The following LRP1B variants were observed in gnomAD, a reference collection of about 807,000 sequenced individuals.
LRP1B encodes LDL receptor related protein 1B, also known as low-density lipoprotein receptor-related protein 1B.
Under a neutral mutation model 556.6 loss-of-function variants are expected in LRP1B, and 217 were observed. The observed-to-expected ratio is 0.39, with a 90% CI of 0.35 to 0.44. The LOEUF is 0.44. Ranked by LOEUF, LRP1B falls within the 20% of genes least tolerant of loss-of-function variation. The pLI is 1.00. For synonymous variants in LRP1B, 2,047 were observed against 1,865.8 expected, an observed-to-expected ratio of 1.10 and a Z score of -2.50; for missense variants, 5,053 against 5,620.8, an observed-to-expected ratio of 0.90 and a Z score of 3.23.
At chr2:141,905,722 A>T (rs1699735001) in intron 1 of LRP1B, among the ~76,000 whole-genome samples, 2 of 150,932 alleles carry the variant, frequency 1.3e-5, no homozygotes, top group Non-Finnish European at 3.0e-5. Context: ...ACCTTCATTC[A>T]TATAACCATC....
chr2:140,379,343 A>G (rs567831833), intron 67 of LRP1B, among the ~76,000 whole-genome samples: 1 of 152,178 alleles, frequency 6.6e-6, no homozygotes, highest in African/African-American at 2.4e-5. Context: ...TGGTTTCTAC[A>G]TATAGAGTAA....
At chr2:140,826,092 T>C (rs1461103208) in intron 31 of LRP1B, among the ~76,000 whole-genome samples, 1 of 152,188 alleles carries the variant, frequency 6.6e-6, no homozygotes, top group African/African-American at 2.4e-5. Flanking sequence ...GTCTTCAGCT[T>C]CAGCTCCTGC....
At chr2:140,509,109 C>G (rs1689546155) in intron 52 of LRP1B, among the ~76,000 whole-genome samples, 1 of 148,524 alleles carries the variant, frequency 6.7e-6, no homozygotes, top group South Asian at 2.2e-4. Context: ...CACACACACA[C>G]AGACACTTAT....
At chr2:140,661,477 T>C (rs1427866447) in intron 41 of LRP1B, among the ~76,000 whole-genome samples, 1 of 145,496 alleles carries the variant, frequency 6.9e-6, no homozygotes, top group African/African-American at 2.6e-5. Context: ...CTGGGCAAAA[T>C]GATGAGACCC....
At chr2:140,884,081 A>G (rs2105188032) in intron 24 of LRP1B, 60 bp from the exon 25 acceptor site, 1 of 1,451,512 alleles carries the variant, frequency 6.9e-7, no homozygotes, top group South Asian at 1.2e-5. Flanking sequence ...AGCACAAAGG[A>G]AAAGGCCTTT....
intron 66 of LRP1B, among the ~76,000 whole-genome samples, chr2:140,394,719 A>G (rs1684176495): frequency 6.6e-6 from 1 of 152,184 alleles, no homozygotes; most frequent in South Asian, 2.1e-4. Flanking sequence ...TTCTGTGTCT[A>G]AGGAGAAAGC....
Position 140,792,805 on chromosome 2 carries a change from G to A in LRP1B, c.5360-16567C>T, listed in dbSNP as rs150086507. On this transcript the variant is annotated intron_variant, in intron 32 of 90. Transcript: ENST00000389484. ...ATGACAGAATATGTATAGTAACCCA[G>A]AGAGCAAAAGAGGATTGATGTAAAG... Among the ~76,000 whole-genome samples, 146 of 152,190 alleles carry A rather than the reference G, an allele frequency of 9.6e-4. 1 individual carries two copies. The highest frequency in any genetic ancestry group is 3.3e-3 in the African/African-American group (139 of 41,566).
chr2:141,622,111 G>A (rs912917793), intron 2 of LRP1B, among the ~76,000 whole-genome samples: 1 of 152,032 alleles, frequency 6.6e-6, no homozygotes, highest in South Asian at 2.1e-4. Context: ...GGCAGGTCTT[G>A]AACTCCCGAC....
intron 3 of LRP1B, among the ~76,000 whole-genome samples, chr2:141,259,144 T>A (rs894729809): frequency 3.9e-5 from 6 of 152,188 alleles, no homozygotes; most frequent in East Asian, 1.9e-4. Context: ...AAAATAGATA[T>A]CTTTGTATTA....
At chr2:140,819,536 G>T (rs1053989352) in intron 31 of LRP1B, among the ~76,000 whole-genome samples, 1 of 152,076 alleles carries the variant, frequency 6.6e-6, no homozygotes, top group African/African-American at 2.4e-5. Flanking sequence ...GATGGAGCAT[G>T]ATGACTAAAA....
intron 1 of LRP1B, among the ~76,000 whole-genome samples, chr2:141,922,160 T>C (rs6429937): frequency 0.86 from 131,259 of 152,148 alleles, 56,776 homozygotes; most frequent in East Asian, 1. Flanking sequence ...AAATCTTGTT[T>C]GTAAAAACAT....
intron 65 of LRP1B, among the ~76,000 whole-genome samples, chr2:140,443,444 T>G (rs1366231573): frequency 1.3e-5 from 2 of 152,218 alleles, no homozygotes; most frequent in African/African-American, 4.8e-5. Flanking sequence ...TGGATGAGCT[T>G]CTAGAATGGC....
intron 20 of LRP1B, among the ~76,000 whole-genome samples, chr2:140,926,920 G>A (rs1694903287): frequency 6.6e-6 from 1 of 152,030 alleles, no homozygotes; most frequent in Non-Finnish European, 1.5e-5. Context: ...TGGTAGCTTA[G>A]ATGGCACTCC....
chr2:142,082,805 C>A (rs1705769426), intron 1 of LRP1B, among the ~76,000 whole-genome samples: 1 of 151,998 alleles, frequency 6.6e-6, no homozygotes, highest in Non-Finnish European at 1.5e-5. Flanking sequence ...CATCTATGCC[C>A]AAAATAAAAA....
intron 43 of LRP1B, among the ~76,000 whole-genome samples, chr2:140,565,471 C>T (rs1411427484): frequency 6.6e-6 from 1 of 151,972 alleles, no homozygotes; most frequent in East Asian, 1.9e-4. Context: ...CCAGATCCCT[C>T]ATTATATGGG....
At chr2:141,352,931 T>C (rs1254548572) in intron 3 of LRP1B, among the ~76,000 whole-genome samples, 1 of 151,976 alleles carries the variant, frequency 6.6e-6, no homozygotes, top group Admixed American at 6.6e-5. Flanking sequence ...TGATTAAAAT[T>C]ATATGATGTT....
Position 141,062,144 on chromosome 2 carries a change from G to A in LRP1B, c.1143C>T (p.Asn381=), listed in dbSNP as rs1298887941. 4 of 1,612,068 alleles carry A rather than the reference G, an allele frequency of 2.5e-6. No individual in the cohort carries two copies. The highest frequency in any genetic ancestry group is 1.1e-5 in the South Asian group (1 of 91,040). ...AAAGATCTACCCAGTAAACCAATTT[G>A]TTGACTAGGTCTAGTGCCAGTGCAG... The part of the protein sequence containing the change: ...QPAALALDLV[N]KLVYWVDLYL... The change falls in exon 8 of 91, where the codon AAC becomes AAT. Residue 381 remains asparagine (N), a synonymous_variant. Transcript: ENST00000389484.
intron 87 of LRP1B, 57 bp downstream of exon 87, chr2:140,247,029 A>G (rs1253646935): frequency 1.6e-6 from 2 of 1,236,774 alleles, no homozygotes; most frequent in African/African-American, 1.5e-5. Flanking sequence ...CAATAATGAC[A>G]TAACAATGAT....
chr2:141,533,887 T>C (rs1016751527), intron 2 of LRP1B, among the ~76,000 whole-genome samples: 2 of 152,210 alleles, frequency 1.3e-5, no homozygotes, highest in African/African-American at 4.8e-5. Context: ...CCTACCCAGA[T>C]TTATGATCTA....
Sources: gnomAD v4.1 joint callset for allele counts (sites outside exome capture counted in the v4.1 genomes callset) on GRCh38, gnomAD v4.1.1 for gene constraint, MANE v1.5 for transcripts, NCBI Gene and HGNC (gene_info 2026-07-23, HGNC 2026-07-21) for gene names.